The following TMEM255A variants were observed in gnomAD, a reference collection of about 807,000 sequenced individuals.
The protein encoded by TMEM255A is family with sequence similarity 70, member A.
TMEM255A carries 14 observed loss-of-function variants against 23.5 expected under a neutral mutation model. The observed-to-expected ratio is 0.60, with a 90% confidence interval of 0.39 to 0.93. TMEM255A has a LOEUF of 0.93. Among genes scored for constraint, TMEM255A ranks in the 40% least tolerant of loss-of-function variants. The pLI is 0.00. For synonymous variants in TMEM255A, 104 were observed against 100.3 expected (o/e 1.04, Z -0.22); for missense variants, 233 against 261.7 (o/e 0.89, Z 0.76).
Position 120,287,175 on chromosome X carries a change from T to C in TMEM255A, c.402A>G (p.Thr134=), listed in dbSNP as rs781966895. Residue 134 remains threonine (T), a synonymous_variant, in exon 5 of 9, where the codon ACA becomes ACG. Coordinates refer to ENST00000371369, the MANE Select transcript of TMEM255A (RefSeq NM_001104544.3). ...TCACCTCCTCAGCTTCCTTCTGTGA[T>C]GTCTTGGGAACATAATGGCACCGGT... ...YANRCHYVPK[T]SQKEAEEVNC... 1 of 1,211,380 alleles carries C rather than the reference T, an allele frequency of 8.3e-7. No individual in the cohort carries two copies. Among genetic ancestry groups the C allele is most frequent in the African/African-American group, 1.7e-5 (1 of 57,797 alleles).
intron 4 of TMEM255A, 57 bp from the exon 5 acceptor site, chrX:120,287,279 G>T: frequency 1.1e-6 from 1 of 871,292 alleles, no homozygotes; most frequent in Non-Finnish European, 1.6e-6. Context: ...AAAACAGCAA[G>T]TGTTGTACTT....
chrX:120,291,192 T>G (rs1258354628), intron 4 of TMEM255A, 59 bp downstream of exon 4: 2 of 926,694 alleles, frequency 2.2e-6, no homozygotes, highest in Admixed American at 2.4e-5. Flanking sequence ...CGAGCACACA[T>G]TCAGTGGGGC....
chrX:120,311,344 C>G lies in TMEM255A; in HGVS notation c.-35G>C. The G allele has an allele frequency of 8.8e-7, 1 of 1,132,139 alleles. No individual in the cohort carries two copies. The highest frequency in any genetic ancestry group is 1.2e-6 in the Non-Finnish European group (1 of 839,822). 93.3% of individuals were successfully genotyped at this position (1,132,139 alleles called of 1,213,427 possible). On this transcript the variant is annotated 5_prime_UTR_variant, in exon 1 of 9. Transcript: ENST00000371369. Reference sequence around the variant, plus strand: ...TGCCCGGTTGCCCCAGTCCCCGAAGCTGCTTCAAGCGCCCCCGGCTCTGGG... The same window carrying G: ...TGCCCGGTTGCCCCAGTCCCCGAAGGTGCTTCAAGCGCCCCCGGCTCTGGG...
At chrX:120,309,361 G>A (rs1438447420) in intron 1 of TMEM255A, among the ~76,000 whole-genome samples, 5 of 113,162 alleles carry the variant, frequency 4.4e-5, no homozygotes, top group Non-Finnish European at 7.5e-5. Context: ...AGATCGCTGA[G>A]GGCCCCTGGG....
chrX:120,301,399 C>G (rs1276232961), intron 2 of TMEM255A, among the ~76,000 whole-genome samples: 2 of 112,193 alleles, frequency 1.8e-5, no homozygotes, highest in East Asian at 2.8e-4. Context: ...CAGCAGAGTT[C>G]TAAATAAGCT....
At chrX:120,273,443 G>A (rs2057775550) in intron 7 of TMEM255A, 1 of 210,452 alleles carries the variant, frequency 4.8e-6, no homozygotes, top group East Asian at 1.2e-4. Context: ...ATCCAGAGTG[G>A]TATCAATTCA....
At chrX:120,283,397 C>T (rs1556021197) in intron 6 of TMEM255A, among the ~76,000 whole-genome samples, 1 of 111,056 alleles carries the variant, frequency 9.0e-6, no homozygotes, top group Non-Finnish European at 1.9e-5. Flanking sequence ...GCCTTCTCCT[C>T]CCTGACTCTA....
chrX:120,268,575 C>G (rs1480096623), intron 7 of TMEM255A, among the ~76,000 whole-genome samples, 188 bp from the exon 8 acceptor site: 1 of 111,650 alleles, frequency 9.0e-6, no homozygotes, highest in African/African-American at 3.3e-5. Context: ...ATTAATATAA[C>G]ATGATCCCAA....
At chrX:120,310,803 A>G (rs994566469) in intron 1 of TMEM255A, among the ~76,000 whole-genome samples, 4 of 98,810 alleles carry the variant, frequency 4.0e-5, no homozygotes, top group Admixed American at 1.1e-4. Flanking sequence ...GGGCAGCTTC[A>G]AGAGAGTTGG....
intron 6 of TMEM255A, among the ~76,000 whole-genome samples, chrX:120,282,862 G>A (rs894232420): frequency 1.8e-5 from 2 of 111,344 alleles, no homozygotes; most frequent in Non-Finnish European, 3.8e-5. Context: ...CAGAGAGAAA[G>A]GTGTGTCTGC....
At chrX:120,300,574 T>C (rs1032843006) in intron 2 of TMEM255A, among the ~76,000 whole-genome samples, 12 of 103,147 alleles carry the variant, frequency 1.2e-4, no homozygotes, top group Middle Eastern at 4.9e-3. Flanking sequence ...TTTTTTTTTT[T>C]TGTAGAGATG....
chrX:120,294,004 C>T lies in TMEM255A; in HGVS notation c.249G>A (p.Glu83=). The T allele has an allele frequency of 8.4e-7, 1 of 1,191,453 alleles. No individual in the cohort carries two copies. The highest frequency in any genetic ancestry group is 1.1e-6 in the Non-Finnish European group (1 of 881,608). ...FLGIIGSNLI[E]NKRQMLVASI... Reference sequence around the variant, plus strand: ...GAAAACTTACCATCTGCCTTTTGTTCTCAATAAGGTTTGATCCAATGATTC... The same window carrying T: ...GAAAACTTACCATCTGCCTTTTGTTTTCAATAAGGTTTGATCCAATGATTC... Residue 83 remains glutamate, a synonymous_variant, in exon 3 of 9, where the codon GAG becomes GAA. Transcript: ENST00000371369.
At chrX:120,306,081 G>A (rs782575763) in intron 1 of TMEM255A, among the ~76,000 whole-genome samples, 2 of 111,839 alleles carry the variant, frequency 1.8e-5, no homozygotes, top group South Asian at 7.6e-4. Context: ...CTCACCCTGG[G>A]GAAGAGGTAA....
intron 4 of TMEM255A, 61 bp downstream of exon 4, chrX:120,291,190 C>T: frequency 1.1e-6 from 1 of 896,439 alleles, no homozygotes; most frequent in Non-Finnish European, 1.6e-6. Context: ...ATCGAGCACA[C>T]ATTCAGTGGG....
At chrX:120,309,433 G>A (rs1454086726) in intron 1 of TMEM255A, among the ~76,000 whole-genome samples, 1 of 112,942 alleles carries the variant, frequency 8.9e-6, no homozygotes, top group Non-Finnish European at 1.9e-5. Flanking sequence ...GCCAAGTAGC[G>A]ACTCTTTAAG....
intron 8 of TMEM255A, among the ~76,000 whole-genome samples, chrX:120,264,391 C>T (rs1399557237): frequency 9.0e-6 from 1 of 110,630 alleles, no homozygotes; most frequent in Admixed American, 9.6e-5. Context: ...CACCCTGGAG[C>T]CCAGTGTTTG....
At chrX:120,282,228 A>C (rs1456757206) in intron 6 of TMEM255A, among the ~76,000 whole-genome samples, 2 of 111,493 alleles carry the variant, frequency 1.8e-5, no homozygotes, top group Non-Finnish European at 3.8e-5. Context: ...ATTTTCCTCT[A>C]TTGTGGGACC....
chrX:120,263,963 G>A (rs1430209124), intron 8 of TMEM255A, among the ~76,000 whole-genome samples: 2 of 111,445 alleles, frequency 1.8e-5, no homozygotes, highest in African/African-American at 6.5e-5. Flanking sequence ...AGTGGCTAGG[G>A]TGAAACCTAG....
chrX:120,265,868 G>C lies in TMEM255A; in HGVS notation c.819+2376C>G, dbSNP rs955322343. On this transcript the variant is annotated intron_variant, in intron 8 of 8. Coordinates refer to ENST00000371369, the MANE Select transcript of TMEM255A (RefSeq NM_001104544.3). ...GTTATTAAAAAGTAAGGGTGGGCCA[G>C]GCACGGTGGCTCATGCCTGTAATCC... Among the ~76,000 whole-genome samples, 14 of 110,376 alleles carry C rather than the reference G, an allele frequency of 1.3e-4. No individual in the cohort carries two copies. The Admixed American group carries it at 1.3e-3, about 11-fold the overall frequency.
Sources: gnomAD v4.1 joint callset for allele counts (sites outside exome capture counted in the v4.1 genomes callset) on GRCh38, gnomAD v4.1.1 for gene constraint, MANE v1.5 for transcripts, NCBI Gene and HGNC (gene_info 2026-07-23, HGNC 2026-07-21) for gene names.